Variants in PTH2R observed in about 807,000 individuals in gnomAD.
The protein encoded by PTH2R is PTH2 receptor.
A neutral mutation model predicts 60.3 loss-of-function variants in PTH2R; 59 were observed. The ratio of observed to expected loss-of-function variants is 0.98; its 90% CI spans 0.79 to 1.22. PTH2R has a LOEUF of 1.22. PTH2R is among the 50% of genes most tolerant of loss of function. The probability of loss-of-function intolerance (pLI) is 0.00; values close to 1 mark genes in which losing one functional copy is unlikely to be tolerated. For missense variants in PTH2R, 749 were observed against 682.6 expected, an observed-to-expected ratio of 1.10 and a Z score of -1.08; for synonymous variants, 256 against 243.8, an observed-to-expected ratio of 1.05 and a Z score of -0.47.
intron 1 of PTH2R, among the ~76,000 whole-genome samples, chr2:208,418,691 G>T (rs1701691318): frequency 6.6e-6 from 1 of 151,896 alleles, no homozygotes; most frequent in Admixed American, 6.6e-5. Context: ...TAGTTTTCTG[G>T]TTTATCTTTG....
chr2:208,371,872 T>C (rs1266770325), intron 1 of PTH2R, among the ~76,000 whole-genome samples: 1 of 152,130 alleles, frequency 6.6e-6, no homozygotes, highest in East Asian at 1.9e-4. Context: ...GTTTCCTTTT[T>C]GGTTCACCAC....
chr2:208,461,382 G>T (rs1181146861), intron 9 of PTH2R, among the ~76,000 whole-genome samples: 1 of 151,882 alleles, frequency 6.6e-6, no homozygotes, highest in Non-Finnish European at 1.5e-5. Context: ...TTCACTCATT[G>T]GTATTTAATC....
chr2:208,463,229 T>C (rs192790559), intron 9 of PTH2R, among the ~76,000 whole-genome samples: 6 of 152,242 alleles, frequency 3.9e-5, no homozygotes, highest in Admixed American at 2.0e-4. Context: ...CTCCACACAA[T>C]GGCTTTCTTT....
At chr2:208,431,293 T>G (rs879792366) in intron 2 of PTH2R, among the ~76,000 whole-genome samples, 1 of 152,206 alleles carries the variant, frequency 6.6e-6, no homozygotes, top group Non-Finnish European at 1.5e-5. Flanking sequence ...TCCTTCAATA[T>G]TCTTTCAAAT....
At chr2:208,392,496 T>C (rs1262284567) in intron 1 of PTH2R, among the ~76,000 whole-genome samples, 1 of 152,184 alleles carries the variant, frequency 6.6e-6, no homozygotes, top group Non-Finnish European at 1.5e-5. Context: ...TCTGGATTAA[T>C]GTTAACTTCC....
chr2:208,363,416 C>A (rs1194070804), intron 1 of PTH2R, among the ~76,000 whole-genome samples: 1 of 152,158 alleles, frequency 6.6e-6, no homozygotes, highest in Non-Finnish European at 1.5e-5. Flanking sequence ...CAGTCCACTG[C>A]TGATGGGCAT....
chr2:208,458,922 C>A (rs143577552), intron 8 of PTH2R, among the ~76,000 whole-genome samples: 1 of 152,018 alleles, frequency 6.6e-6, no homozygotes, highest in African/African-American at 2.4e-5. Context: ...TATTTGCATA[C>A]GTGTGTCTTT....
At chr2:208,404,033 A>G (rs938070037), upstream of PTH2R, among the ~76,000 whole-genome samples, 6 of 152,346 alleles carry the variant, frequency 3.9e-5, no homozygotes, top group African/African-American at 1.4e-4. Context: ...AAGGAGACAT[A>G]GGCCCTCACC....
chr2:208,478,212 A>T (rs1703062608), intron 9 of PTH2R, among the ~76,000 whole-genome samples: 1 of 152,062 alleles, frequency 6.6e-6, no homozygotes. Context: ...TAGGCATCTT[A>T]TACCTCATAT....
Position 208,365,952 on chromosome 2 carries a change from ATATATATATTTTTTTTTTTTTTTTT to A in PTH2R, c.-259+5717_-259+5741del, listed in dbSNP as rs1433222143. ...TAAATATATATATATATATATATAT[ATATATATATTTTTTTTTTTTTTTTT>A]TTTTTTTTTTTTTTTTTTTGCAGAG... On this transcript the variant is annotated intron_variant, in intron 1 of 12. Coordinates refer to the PTH2R transcript ENST00000617735. 4.1e-4 allele frequency among the ~76,000 whole-genome samples: 8 copies of A among 19,432 alleles called. No homozygotes were observed. In the East Asian group the frequency reaches 7.9e-3, roughly 19 times the overall value. The allele number at this position is 19,432 out of a possible 152,430, so 12.7% of individuals were successfully genotyped here.
intron 9 of PTH2R, among the ~76,000 whole-genome samples, chr2:208,462,789 G>A (rs1377483879): frequency 2.0e-5 from 3 of 152,204 alleles, no homozygotes; most frequent in Non-Finnish European, 2.9e-5. Context: ...TGGTACGAGA[G>A]CATTCCAATG....
intron 7 of PTH2R, among the ~76,000 whole-genome samples, chr2:208,448,736 C>A (rs757231930): frequency 1.3e-5 from 2 of 149,970 alleles, no homozygotes; most frequent in African/African-American, 4.9e-5. Flanking sequence ...TTTAAAACAA[C>A]ATTTACATGT....
chr2:208,433,970 A>G (rs1702022966), intron 2 of PTH2R, among the ~76,000 whole-genome samples: 1 of 152,164 alleles, frequency 6.6e-6, no homozygotes, highest in African/African-American at 2.4e-5. Context: ...TAATGAAAGT[A>G]TTTACTCACA....
intron 1 of PTH2R, among the ~76,000 whole-genome samples, chr2:208,386,812 A>G (rs1416530187): frequency 1.3e-5 from 2 of 152,206 alleles, no homozygotes; most frequent in Non-Finnish European, 2.9e-5. Flanking sequence ...TGAGAGTTCT[A>G]TCCACCATGA....
chr2:208,419,375 T>G (rs995836434), intron 1 of PTH2R, among the ~76,000 whole-genome samples: 7 of 152,206 alleles, frequency 4.6e-5, no homozygotes, highest in Non-Finnish European at 2.9e-5. Context: ...GGGTTGTTTG[T>G]TTTTTTCTTG....
At position 208,377,544 on chromosome 2, in the gene PTH2R, G is replaced by T. The variant is rs1451389244; in HGVS notation, c.-259+17307G>T. Among the ~76,000 whole-genome samples the T allele has an allele frequency of 4.0e-3, 586 of 147,444 alleles. 6 individuals carry two copies. The highest frequency in any genetic ancestry group is 0.014 in the African/African-American group (548 of 38,632). On this transcript the variant is annotated intron_variant, in intron 1 of 12. Coordinates refer to the PTH2R transcript ENST00000617735. Reference sequence around the variant, plus strand: ...AGACGGGGCGGCTGGCCGGGCGGGGGCTGACCCCCCACCTGCCTCTGGGAC... The same window carrying T: ...AGACGGGGCGGCTGGCCGGGCGGGGTCTGACCCCCCACCTGCCTCTGGGAC...
chr2:208,368,857 T>C (rs1402304230), intron 1 of PTH2R, among the ~76,000 whole-genome samples: 2 of 152,212 alleles, frequency 1.3e-5, no homozygotes, highest in Non-Finnish European at 2.9e-5. Context: ...TCTCTCTACA[T>C]TGAAAATAAA....
intron 1 of PTH2R, among the ~76,000 whole-genome samples, chr2:208,424,762 A>G (rs566497951): frequency 6.6e-5 from 10 of 152,322 alleles, no homozygotes; most frequent in African/African-American, 2.4e-4. Context: ...CCTGGGGTCC[A>G]CAGTTAAGTT....
chr2:208,465,936 C>A (rs1246420487), intron 9 of PTH2R, among the ~76,000 whole-genome samples: 1 of 151,506 alleles, frequency 6.6e-6, no homozygotes, highest in East Asian at 1.9e-4. Context: ...TTTAACAGGT[C>A]TATTTATAAC....
Sources: allele counts gnomAD v4.1 joint callset (sites outside exome capture counted in the v4.1 genomes callset), GRCh38; gene constraint gnomAD v4.1.1; transcripts MANE v1.5; gene names NCBI Gene and HGNC (gene_info 2026-07-23, HGNC 2026-07-21).